LILRB3: variants seen among roughly 807,000 people sequenced by gnomAD.
The protein encoded by LILRB3 is leukocyte immunoglobulin like receptor B3.
A neutral mutation model predicts 68.2 loss-of-function variants in LILRB3; 32 were observed. The observed-to-expected ratio is 0.47, with a 90% CI of 0.35 to 0.63. The LOEUF (loss-of-function observed/expected upper bound fraction) is 0.63. Ranked by LOEUF, LILRB3 falls within the 30% of genes least tolerant of loss-of-function variation. LILRB3 has a pLI of 0.00. For synonymous variants in LILRB3, 185 were observed against 323.1 expected (o/e 0.57, Z 4.58); for missense variants, 502 against 791.3 (o/e 0.63, Z 4.39).
rs111960292 is a variant in LILRB3, at chr19:54,219,860, C to G, written c.1309+295G>C. The G allele has an allele frequency of 1.3e-3, 1,991 of 1,549,398 alleles. 16 individuals are homozygous for G. The African/African-American group carries it at 0.022, about 17-fold the overall frequency. ...CCCGCCCATCTCCCACTCAGAGCCC[C>G]TCACTCACCATTCTGAGGGCCTGAC... On this transcript the variant is annotated intron_variant, in intron 7 of 12. Coordinates refer to ENST00000445347, the Ensembl canonical transcript of LILRB3.
chr19:54,219,395 G>T, intron 7 of LILRB3, 150 bp from the exon 8 acceptor site: 1 of 1,460,896 alleles, frequency 6.8e-7, no homozygotes, highest in Non-Finnish European at 9.4e-7. Flanking sequence ...CCATTTCACA[G>T]ATGCACAAAC....
chr19:54,222,173 C>G (rs2078254102), intron 3 of LILRB3, 43 bp from the exon 4 acceptor site: 2 of 1,610,372 alleles, frequency 1.2e-6, no homozygotes, highest in African/African-American at 2.8e-5. Context: ...GCTCCCACCT[C>G]CCACATCATC....
exon 11 of LILRB3, chr19:54,218,393 G>T (rs1359365270): frequency 6.2e-7 from 1 of 1,614,154 alleles, no homozygotes; most frequent in Non-Finnish European, 8.5e-7. Flanking sequence ...TCCTCAGACT[G>T]TGTGTCCTTC....
At chr19:54,219,049 C>G (rs1021710494) in intron 8 of LILRB3, 80 bp downstream of exon 8, 5 of 1,538,312 alleles carry the variant, frequency 3.3e-6, no homozygotes, top group Admixed American at 2.1e-5. Flanking sequence ...AACTGACACC[C>G]CTGTGTGTTT....
At chr19:54,219,547 C>T (rs568579830) in intron 7 of LILRB3, 56 of 1,550,420 alleles carry the variant, frequency 3.6e-5, no homozygotes, top group East Asian at 2.7e-4. Context: ...AGAGCCTGAC[C>T]GTCCTGAACC....
chr19:54,218,940 G>A (rs2077770783), intron 8 of LILRB3, 102 bp from the exon 9 acceptor site: 2 of 1,567,166 alleles, frequency 1.3e-6, no homozygotes, highest in Non-Finnish European at 8.7e-7. Context: ...ATTCCTGCAT[G>A]GATGTTCCAA....
At position 54,222,315 on chromosome 19, in the gene LILRB3, C is replaced by T; in HGVS notation, c.318G>A (p.Trp106Ter). ...GCTCCAGGGGGTCGCTGGGCTCTGA[C>T]CAGCCTGCAGAGCTGTAATAGTGGC... Residue 106 changes from tryptophan (W) to a stop codon, truncating the protein, a stop_gained, in exon 3 of 13, where the codon TGG becomes TGA. Coordinates refer to ENST00000445347, the Ensembl canonical transcript of LILRB3. LOFTEE classifies it high-confidence loss of function. The T allele has an allele frequency of 1.2e-6, 2 of 1,610,056 alleles. No homozygotes were observed. Among genetic ancestry groups the T allele is most frequent in the East Asian group, 2.2e-5 (1 of 44,594 alleles).
chr19:54,219,335 C>T (rs1466422714), intron 7 of LILRB3, 90 bp from the exon 8 acceptor site: 1 of 1,486,164 alleles, frequency 6.7e-7, no homozygotes, highest in Admixed American at 2.1e-5. Context: ...CCTTCGTGAC[C>T]TCCAACCCTC....
intron 1 of LILRB3, 24 bp from the exon 2 acceptor site, chr19:54,222,806 C>T: frequency 2.5e-6 from 4 of 1,612,662 alleles, no homozygotes; most frequent in East Asian, 2.2e-5. Flanking sequence ...CCCTGTGAGG[C>T]ATTTGCCCTG....
intron 7 of LILRB3, 102 bp downstream of exon 7, chr19:54,220,052 CT>C: frequency 7.6e-7 from 1 of 1,313,286 alleles, no homozygotes; most frequent in Non-Finnish European, 1.0e-6. Flanking sequence ...CTCAGAGCCC[CT>C]GGGACACAAG....
intron 7 of LILRB3, chr19:54,219,538 G>A (rs767111038): frequency 8.4e-6 from 13 of 1,550,266 alleles, no homozygotes; most frequent in Non-Finnish European, 1.1e-5. Flanking sequence ...TGCAGGGAAA[G>A]AGCCTGACCG....
At position 54,218,814 on chromosome 19, in the gene LILRB3, C is replaced by T. The variant is rs752813012; in HGVS notation, c.1451G>A (p.Arg484His). The change falls in exon 9 of 13, where the codon CGT becomes CAT. Residue 484 changes from arginine to histidine, a missense_variant. Physicochemically the swap from Arg to His is conservative, Grantham distance 29 (BLOSUM62 0). Around this residue, in one of 8 missense-constraint regions of LILRB3, gnomAD observed 267 missense variants for 245.5 expected, o/e 1.09. Coordinates refer to ENST00000445347, the Ensembl canonical transcript of LILRB3. ...CTCTGTCTCCGCAGCCCCTGCAGGA[C>T]GCTGGAAATCAGTCTTTCTCTGGTC... 3.3e-5 allele frequency: 54 copies of T among 1,613,972 alleles called. No individual in the cohort carries two copies. The highest frequency in any genetic ancestry group is 1.6e-4 in the African/African-American group (12 of 74,866).
exon 13 of LILRB3, chr19:54,216,291 CT>C (rs1600802442): frequency 6.7e-6 from 1 of 150,178 alleles, no homozygotes; most frequent in Non-Finnish European, 1.5e-5. Context: ...GGTTATGCTT[CT>C]TTTTTATTTT....
exon 9 of LILRB3, chr19:54,218,800 C>T: frequency 6.2e-7 from 1 of 1,614,134 alleles, no homozygotes; most frequent in Non-Finnish European, 8.5e-7. Context: ...TCTGTCTCCG[C>T]AGCCCCTGCA....
intron 11 of LILRB3, 47 bp from the exon 12 acceptor site, chr19:54,217,521 C>T (rs775870465): frequency 1.1e-5 from 17 of 1,570,068 alleles, no homozygotes; most frequent in Non-Finnish European, 1.5e-5. Context: ...GTCCCCCTGA[C>T]CTCCTGGAGT....
At chr19:54,219,230 A>G (rs762732851) in exon 8 of LILRB3, 16 of 1,584,076 alleles carry the variant, frequency 1.0e-5, no homozygotes, top group Non-Finnish European at 1.1e-5. Flanking sequence ...CAAAACCTCC[A>G]GGTATCTTCC....
chr19:54,217,023 G>C, exon 13 of LILRB3: 33 of 1,612,408 alleles, frequency 2.0e-5, no homozygotes, highest in Non-Finnish European at 2.8e-5. Context: ...TGTCCACTGG[G>C]GGCAGCTCCC....
rs138012018 is a variant in LILRB3, at chr19:54,220,687, G to T, written c.1099C>A (p.Arg367Ser). 2.6e-6 allele frequency: 4 copies of T among 1,541,026 alleles called. 1 individual carries two copies. Among genetic ancestry groups the T allele is most frequent in the East Asian group, 6.1e-5 (2 of 32,556 alleles). The change falls in exon 6 of 13, where the codon CGT becomes AGT. Residue 367 changes from arginine to serine, a missense_variant. By Grantham distance (110) the Arg-to-Ser change is moderately radical. Transcript: ENST00000445347. Reference sequence around the variant, plus strand: ...TGAGCTCCGTACATTGATCTCAGACGCAGTGGGGGATGGGCTGCCCCTTCT... The same window carrying T: ...TGAGCTCCGTACATTGATCTCAGACTCAGTGGGGGATGGGCTGCCCCTTCT...
At chr19:54,219,425 T>C (rs2077847984) in intron 7 of LILRB3, 180 bp from the exon 8 acceptor site, 1 of 1,494,110 alleles carries the variant, frequency 6.7e-7, no homozygotes. Context: ...GAGCAGGGAG[T>C]CGCCTGCCCC....
Sources: allele counts gnomAD v4.1 joint callset, GRCh38; gene constraint gnomAD v4.1.1; regional missense constraint gnomAD v4.1.1; transcripts MANE v1.5; gene names NCBI Gene and HGNC (gene_info 2026-07-23, HGNC 2026-07-21).